The following SLC17A6 variants were observed in gnomAD, a reference collection of about 807,000 sequenced individuals.
SLC17A6 encodes the protein vesicular glutamate transporter 2.
Under a neutral mutation model 67.1 loss-of-function variants are expected in SLC17A6, and 35 were observed. That is an observed-to-expected ratio of 0.52 (90% CI 0.40 to 0.69). The LOEUF is 0.69. Among genes scored for constraint, SLC17A6 ranks in the 30% least tolerant of loss-of-function variants. The pLI, the probability that SLC17A6 is intolerant of heterozygous loss-of-function variation, is 0.00. For missense variants in SLC17A6, 588 were observed against 723.9 expected, an observed-to-expected ratio of 0.81 and a Z score of 2.15; for synonymous variants, 285 against 252.3, an observed-to-expected ratio of 1.13 and a Z score of -1.23.
chr11:22,339,082 ATATATATGT>A, intron 1 of SLC17A6, among the ~76,000 whole-genome samples: 4 of 114,576 alleles, frequency 3.5e-5, no homozygotes, highest in Non-Finnish European at 5.4e-5. Flanking sequence ...TATATGTTAT[ATATATATGT>A]TATATATATA....
rs1856160075 is a variant in SLC17A6 at position 22,370,198 on chromosome 11, A to G, written c.1041+10A>G. 2 of 1,588,624 alleles carry G rather than the reference A, an allele frequency of 1.3e-6. No homozygotes were observed. The highest frequency in any genetic ancestry group is 1.8e-5 in the Admixed American group (1 of 54,528). On this transcript the variant is annotated intron_variant, in intron 8 of 11. Transcript: ENST00000263160. ...ATTTGAAATTAGCAAGGTATGTAAA[A>G]TGTATTCTTATATAAATTGTGGATT...
Position 22,378,677 on chromosome 11 carries a change from C to G in SLC17A6, c.*937C>G, listed in dbSNP as rs1856261465. On this transcript the variant is annotated 3_prime_UTR_variant, in exon 12 of 12. Transcript: ENST00000263160. ...AGAAAATGGTTTAGATATCTTTCTT[C>G]CTTCATAATTAAATACTATATGAAA... The G allele has an allele frequency of 6.6e-6, 1 of 152,248 alleles. No homozygotes were observed. Among genetic ancestry groups the G allele is most frequent in the Non-Finnish European group, 1.5e-5 (1 of 67,918 alleles). The allele number at this position is 152,248 out of a possible 1,614,324, so 9.4% of individuals were successfully genotyped here.
At chr11:22,360,868 A>T in intron 4 of SLC17A6, 29 bp from the exon 5 acceptor site, 1 of 1,574,636 alleles carries the variant, frequency 6.4e-7, no homozygotes, top group Non-Finnish European at 8.7e-7. Context: ...CTAAATGGTG[A>T]CAGTGATGAG....
chr11:22,374,800 G>A lies in SLC17A6; in HGVS notation c.1087G>A (p.Val363Met). The A allele has an allele frequency of 6.2e-7, 1 of 1,613,388 alleles. No homozygotes were observed. Among genetic ancestry groups the A allele is most frequent in the Non-Finnish European group, 8.5e-7 (1 of 1,179,748 alleles). ...AVPHLVMTII[V>M]PIGGQIADFL... is the part of the protein sequence containing the mutation. ...GCCACACTTAGTAATGACAATTATT[G>A]TGCCTATTGGGGGACAAATTGCAGA... Residue 363 changes from valine (V) to methionine (M), a missense_variant, in exon 9 of 12, where the codon GTG becomes ATG. Around this residue, in one of 4 missense-constraint regions of SLC17A6, gnomAD observed 414 missense variants for 563.4 expected, o/e 0.73. Transcript: ENST00000263160.
Position 22,339,107 on chromosome 11 carries a change from TATATATATG to T in SLC17A6, c.86+489_86+497del, listed in dbSNP as rs1855775331. Among the ~76,000 whole-genome samples, 4 of 110,602 alleles carry T rather than the reference TATATATATG, an allele frequency of 3.6e-5. 1 individual carries two copies. Among genetic ancestry groups the T allele is most frequent in the Non-Finnish European group, 5.2e-5 (3 of 57,886 alleles). The allele number at this position is 110,602 out of a possible 152,430, so 72.6% of individuals were successfully genotyped here. ...ATATATATGTTATATATATATGTTA[TATATATATG>T]TTATATATATATGTTATATATATAT... is the stretch of plus-strand genomic sequence containing the variant. On this transcript the variant is annotated intron_variant, in intron 1 of 11. Coordinates refer to ENST00000263160, the MANE Select transcript of SLC17A6 (RefSeq NM_020346.3).
intron 3 of SLC17A6, among the ~76,000 whole-genome samples, chr11:22,343,675 C>T (rs1855844738): frequency 3.3e-5 from 5 of 152,110 alleles, no homozygotes; most frequent in Admixed American, 3.3e-4. Flanking sequence ...AGACCGGGAG[C>T]AGGCAGAGCA....
rs1856043777 is a variant in SLC17A6, at chr11:22,360,780, GA to G, written c.574-110del. ...ACAGTCTTTTCTTTTACCTTAATCAGAAAAAAAGAAAATTGAGGTGGAAGGA... is the reference window on the plus strand; with the variant it reads ...ACAGTCTTTTCTTTTACCTTAATCAGAAAAAAGAAAATTGAGGTGGAAGGA... On this transcript the variant is annotated intron_variant, in intron 4 of 11. Transcript: ENST00000263160. 1.6e-5 allele frequency: 13 copies of G among 796,360 alleles called. No homozygotes were observed. The East Asian group carries it at 3.2e-4, about 20-fold the overall frequency. 49.3% of individuals were successfully genotyped at this position (796,360 alleles called of 1,614,324 possible).
chr11:22,374,754 G>GAAAACAA lies in SLC17A6; in HGVS notation c.1042-1_1042insAAAACAA (p.Val348LysfsTer64). Reference sequence around the variant, plus strand: ...TTCTCTCCCTTCTTGTTTTTCATCAGGTTGGTATGCTATCTGCTGTGCCAC... The same window carrying GAAAACAA: ...TTCTCTCCCTTCTTGTTTTTCATCAGAAAACAAGTTGGTATGCTATCTGCTGTGCCAC... On this transcript the variant is annotated frameshift_variant and splice_region_variant. Coordinates refer to ENST00000263160, the MANE Select transcript of SLC17A6 (RefSeq NM_020346.3). LOFTEE classifies it high-confidence loss of function. 6.3e-7 allele frequency: 1 copy of GAAAACAA among 1,597,302 alleles called. No individual in the cohort carries two copies. The highest frequency in any genetic ancestry group is 8.5e-7 in the Non-Finnish European group (1 of 1,173,498).
chr11:22,342,960 C>G (rs1855834586), intron 2 of SLC17A6: 2 of 527,298 alleles, frequency 3.8e-6, no homozygotes, highest in South Asian at 1.5e-5. Flanking sequence ...GACGGGGGCC[C>G]TCTAGATTCC....
intron 1 of SLC17A6, among the ~76,000 whole-genome samples, chr11:22,339,649 A>C (rs1036028112): frequency 6.6e-6 from 1 of 152,344 alleles, no homozygotes; most frequent in African/African-American, 2.4e-5. Context: ...CACTAATTTT[A>C]ATATTTGGGA....
intron 7 of SLC17A6, among the ~76,000 whole-genome samples, chr11:22,368,593 A>G (rs1430985809): frequency 1.3e-5 from 2 of 152,070 alleles, no homozygotes; most frequent in East Asian, 1.9e-4. Flanking sequence ...GTTCTTAGGA[A>G]AGATGATCCT....
Position 22,365,582 on chromosome 11 carries a change from T to C in SLC17A6, c.784T>C (p.Leu262=), listed in dbSNP as rs1856102469. Residue 262 remains leucine, a synonymous_variant, in exon 7 of 12, where the codon TTG becomes CTG. Coordinates refer to ENST00000263160, the MANE Select transcript of SLC17A6 (RefSeq NM_020346.3). ...AATGGTCTGGTACATGTTTTGGCTT[T>C]TGGTGTCTTATGAAAGTCCTGCAAA... is the stretch of plus-strand genomic sequence containing the variant. ...FGMVWYMFWL[L]VSYESPAKHP... is the part of the protein sequence containing the mutation. 1.2e-6 allele frequency: 2 copies of C among 1,614,040 alleles called. No individual in the cohort carries two copies. Among genetic ancestry groups the C allele is most frequent in the Non-Finnish European group, 1.7e-6 (2 of 1,179,904 alleles).
intron 3 of SLC17A6, among the ~76,000 whole-genome samples, chr11:22,344,460 G>C (rs904993656): frequency 2.6e-5 from 4 of 152,134 alleles, no homozygotes; most frequent in African/African-American, 4.8e-5. Context: ...GCTTCTCAGA[G>C]TCCTCAGGGC....
At chr11:22,373,892 G>A (rs1030571008) in intron 8 of SLC17A6, among the ~76,000 whole-genome samples, 2 of 152,058 alleles carry the variant, frequency 1.3e-5, no homozygotes, top group African/African-American at 2.4e-5. Context: ...TCAAACCTTC[G>A]ATAATCTAAT....
chr11:22,341,915 G>A, intron 2 of SLC17A6, 135 bp downstream of exon 2: 1 of 1,333,356 alleles, frequency 7.5e-7, no homozygotes. Flanking sequence ...CTCTGGCTCT[G>A]CCGTTCTAGA....
chr11:22,339,185 A>ATATATATGTTT, intron 1 of SLC17A6, among the ~76,000 whole-genome samples: 1 of 45,404 alleles, frequency 2.2e-5, no homozygotes, highest in African/African-American at 9.4e-5. Context: ...TATGTTTTAT[A>ATATATATGTTT]TATATATATA....
chr11:22,366,012 G>A (rs184345852), intron 7 of SLC17A6, among the ~76,000 whole-genome samples: 6 of 150,190 alleles, frequency 4.0e-5, no homozygotes, highest in East Asian at 1.9e-4. Flanking sequence ...TTCATTTTAC[G>A]TTAAAAAAAT....
At chr11:22,369,951 C>T (rs1194850243) in intron 7 of SLC17A6, 88 bp from the exon 8 acceptor site, 4 of 1,275,800 alleles carry the variant, frequency 3.1e-6, no homozygotes, top group Non-Finnish European at 4.4e-6. Flanking sequence ...CTGTCATATA[C>T]ATCCTGAAAA....
chr11:22,365,783 C>G, intron 7 of SLC17A6, 94 bp downstream of exon 7: 1 of 1,335,504 alleles, frequency 7.5e-7, no homozygotes, highest in Non-Finnish European at 1.0e-6. Context: ...CTCAGCAAAA[C>G]TAATTTGGTA....
Sources: gnomAD v4.1 joint callset for allele counts (sites outside exome capture counted in the v4.1 genomes callset) on GRCh38, gnomAD v4.1.1 for gene constraint, gnomAD v4.1.1 regional missense constraint, MANE v1.5 for transcripts, NCBI Gene and HGNC (gene_info 2026-07-23, HGNC 2026-07-21) for gene names.